The following FBN2 variants were observed in gnomAD, a reference collection of about 807,000 sequenced individuals.
FBN2 encodes the protein fibrillin-2.
A neutral mutation model predicts 355.6 loss-of-function variants in FBN2; 105 were observed. The ratio of observed to expected loss-of-function variants is 0.30; its 90% CI spans 0.25 to 0.35. The LOEUF is 0.35. Among genes scored for constraint, FBN2 ranks in the 10% least tolerant of loss-of-function variants. The pLI, the probability that FBN2 is intolerant of heterozygous loss-of-function variation, is 1.00. For missense variants in FBN2, 3,280 were observed against 3,758.7 expected (o/e 0.87, Z 3.33); for synonymous variants, 1,350 against 1,301.2 (o/e 1.04, Z -0.81).
chr5:128,288,689 G>A, intron 52 of FBN2, 132 bp from the exon 53 acceptor site: 2 of 998,288 alleles, frequency 2.0e-6, no homozygotes, highest in Non-Finnish European at 3.1e-6. Flanking sequence ...GCATCCCTTG[G>A]GCCTTGGCTG....
At position 128,261,787 on chromosome 5, in the gene FBN2, A is replaced by C. The variant is rs1397766615; in HGVS notation, c.8313T>G (p.Ser2771=). The change falls in exon 64 of 65, where the codon TCT becomes TCG. Residue 2771 remains serine, a synonymous_variant. Coordinates refer to ENST00000262464, the MANE Select transcript of FBN2 (RefSeq NM_001999.4). ...ACYECKINGY[S]KKDSRQKRSI... ...TTCTCTTCTGCCTGCTGTCTTTCTT[A>C]GAATAGCCGTTGATTTTGCACTCGT... The C allele has an allele frequency of 3.7e-6, 6 of 1,614,236 alleles. No individual in the cohort carries two copies.
Position 128,500,225 on chromosome 5 carries a change from A to G in FBN2, c.628+19048T>C, listed in dbSNP as rs1755767662. Among the ~76,000 whole-genome samples, 3 of 138,184 alleles carry G rather than the reference A, an allele frequency of 2.2e-5. No homozygotes were observed. In the South Asian group the frequency reaches 6.9e-4, roughly 32 times the overall value. 90.7% of individuals were successfully genotyped at this position (138,184 alleles called of 152,430 possible). A position where few individuals can be genotyped will look rare whatever the true frequency, so the allele number is the denominator to read the frequency against. On this transcript the variant is annotated intron_variant, in intron 5 of 64. Transcript: ENST00000262464. ...ACAGAGTCTCCCTTTCCCACAGCTA[A>G]TATCAACAACAACAACAACAACAAC...
At chr5:128,263,208 G>T (rs540289582) in intron 63 of FBN2, among the ~76,000 whole-genome samples, 1 of 152,344 alleles carries the variant, frequency 6.6e-6, no homozygotes, top group African/African-American at 2.4e-5. Context: ...TTACATACAA[G>T]TTCAAGTTTT....
At chr5:128,498,963 T>A (rs946898901) in intron 5 of FBN2, among the ~76,000 whole-genome samples, 1 of 152,196 alleles carries the variant, frequency 6.6e-6, no homozygotes, top group Non-Finnish European at 1.5e-5. Context: ...TACATATTAT[T>A]TTTAAAGTTT....
chr5:128,510,551 G>A (rs1756085902), intron 5 of FBN2, among the ~76,000 whole-genome samples: 1 of 152,146 alleles, frequency 6.6e-6, no homozygotes. Flanking sequence ...CAGGCAGGAA[G>A]GCTAATTTAT....
Position 128,276,052 on chromosome 5 carries a change from C to T in FBN2, c.7580G>A (p.Gly2527Glu). The T allele has an allele frequency of 6.2e-7, 1 of 1,613,854 alleles. No homozygotes were observed. The highest frequency in any genetic ancestry group is 8.5e-7 in the Non-Finnish European group (1 of 1,179,780). Residue 2527 changes from glycine (G) to glutamate (E), a missense_variant, in exon 59 of 65, where the codon GGA becomes GAA. Physicochemically the swap from Gly to Glu is moderately conservative, Grantham distance 98 (BLOSUM62 -2). Coordinates refer to ENST00000262464, the MANE Select transcript of FBN2 (RefSeq NM_001999.4). The part of the protein sequence containing the change: ...CPRGYVLQED[G>E]KTCKDLDECQ... ...TCTTCACTCACCTTTGCATGTCTTTCCATCCTCTTGCAGGACATACCCCCT... is the reference window on the plus strand; with the variant it reads ...TCTTCACTCACCTTTGCATGTCTTTTCATCCTCTTGCAGGACATACCCCCT...
At chr5:128,349,126 A>G (rs1054047803) in intron 23 of FBN2, among the ~76,000 whole-genome samples, 8 of 152,198 alleles carry the variant, frequency 5.3e-5, no homozygotes, top group Non-Finnish European at 1.2e-4. Flanking sequence ...GAAGATTTTG[A>G]GATAGATTTT....
rs1445927286 is a variant in FBN2 at position 128,311,367 on chromosome 5, A to C, written c.5007T>G (p.Thr1669=). 6.2e-7 allele frequency: 1 copy of C among 1,614,112 alleles called. No individual in the cohort carries two copies. The highest frequency in any genetic ancestry group is 1.1e-5 in the South Asian group (1 of 91,080). The change falls in exon 39 of 65, where the codon ACT becomes ACG. Residue 1669 remains threonine (T), a synonymous_variant. Transcript: ENST00000262464. ...GLCQGGNCIN[T]FGSFQCECPQ... ...GGCACTCACACTGGAAGCTCCCAAA[A>C]GTGTTGATGCAGTTTCCACCCTGGC...
intron 33 of FBN2, among the ~76,000 whole-genome samples, chr5:128,329,817 T>C (rs1750645552): frequency 6.6e-6 from 1 of 152,226 alleles, no homozygotes; most frequent in Non-Finnish European, 1.5e-5. Context: ...GTACTGAAAA[T>C]CAATTGAGAA....
chr5:128,517,657 T>A (rs920099335), intron 5 of FBN2, among the ~76,000 whole-genome samples: 3 of 152,196 alleles, frequency 2.0e-5, no homozygotes, highest in East Asian at 1.9e-4. Context: ...CTTCACCATA[T>A]AATTGTAATT....
intron 7 of FBN2, among the ~76,000 whole-genome samples, chr5:128,421,344 C>T (rs1753346213): frequency 6.6e-6 from 1 of 152,032 alleles, no homozygotes; most frequent in Non-Finnish European, 1.5e-5. Flanking sequence ...GGCACAGTCT[C>T]AGTTCCAGCT....
chr5:128,530,804 A>G, intron 2 of FBN2, 111 bp from the exon 3 acceptor site: 3 of 733,098 alleles, frequency 4.1e-6, no homozygotes, highest in Non-Finnish European at 7.1e-6. Flanking sequence ...AAGATAAAAT[A>G]TATGATATAA....
chr5:128,339,151 G>A (rs915091814), intron 25 of FBN2, 90 bp from the exon 26 acceptor site: 14 of 1,344,324 alleles, frequency 1.0e-5, no homozygotes, highest in African/African-American at 1.4e-5. Flanking sequence ...AAAAGTTGGG[G>A]AAATTGCTGG....
At position 128,334,943 on chromosome 5, in the gene FBN2, G is replaced by T; in HGVS notation, c.3974-99C>A. The T allele has an allele frequency of 2.4e-6, 3 of 1,239,074 alleles. No individual in the cohort carries two copies. The Admixed American group carries it at 5.4e-5, about 22-fold the overall frequency. The allele number at this position is 1,239,074 out of a possible 1,614,324, so 76.8% of individuals were successfully genotyped here. Reference sequence around the variant, plus strand: ...GCATAATACTGAAATACACAGGCAAGATCTAAAATATAATCCATCCGCAAA... The same window carrying T: ...GCATAATACTGAAATACACAGGCAATATCTAAAATATAATCCATCCGCAAA... On this transcript the variant is annotated intron_variant, in intron 30 of 64. Coordinates refer to ENST00000262464, the MANE Select transcript of FBN2 (RefSeq NM_001999.4).
At chr5:128,466,315 A>G (rs567019984) in intron 5 of FBN2, among the ~76,000 whole-genome samples, 1 of 152,328 alleles carries the variant, frequency 6.6e-6, no homozygotes, top group South Asian at 2.1e-4. Context: ...GTTTCTTGAT[A>G]AGGTCTAACA....
At chr5:128,526,323 T>C (rs1045483401) in intron 4 of FBN2, among the ~76,000 whole-genome samples, 3 of 152,144 alleles carry the variant, frequency 2.0e-5, no homozygotes, top group African/African-American at 7.2e-5. Flanking sequence ...GTGCAGCTTC[T>C]GTGGAAAACA....
chr5:128,462,560 T>G (rs1379651737), intron 6 of FBN2, among the ~76,000 whole-genome samples: 1 of 152,188 alleles, frequency 6.6e-6, no homozygotes, highest in Non-Finnish European at 1.5e-5. Flanking sequence ...CCTCAGATTT[T>G]TAGGCAAATG....
At chr5:128,290,325 A>G (rs1227325906) in intron 50 of FBN2, among the ~76,000 whole-genome samples, 2 of 152,170 alleles carry the variant, frequency 1.3e-5, no homozygotes, top group Non-Finnish European at 2.9e-5. Flanking sequence ...TTTCCTGTAA[A>G]GGGCCATTGT....
At chr5:128,319,729 T>C (rs959018837) in intron 34 of FBN2, among the ~76,000 whole-genome samples, 4 of 152,176 alleles carry the variant, frequency 2.6e-5, no homozygotes, top group Non-Finnish European at 5.9e-5. Context: ...TTATGAAAAG[T>C]TTATGAGAGT....
Sources: gnomAD v4.1 joint callset for allele counts (sites outside exome capture counted in the v4.1 genomes callset) on GRCh38, gnomAD v4.1.1 for gene constraint, MANE v1.5 for transcripts, NCBI Gene and HGNC (gene_info 2026-07-23, HGNC 2026-07-21) for gene names.